The following COL5A2 variants were observed in gnomAD, a reference collection of about 807,000 sequenced individuals.
COL5A2 encodes the protein collagen type V alpha 2 chain, also known as collagen alpha-2(V) chain.
Under a neutral mutation model 208.2 loss-of-function variants are expected in COL5A2, and 23 were observed. The observed-to-expected ratio is 0.11, with a 90% CI of 0.08 to 0.16. The LOEUF (loss-of-function observed/expected upper bound fraction) is 0.16. Ranked by LOEUF, COL5A2 falls within the 10% of genes least tolerant of loss-of-function variation. The pLI, the probability that COL5A2 is intolerant of heterozygous loss-of-function variation, is 1.00. For missense variants in COL5A2, 1,590 were observed against 1,956.4 expected, an observed-to-expected ratio of 0.81 and a Z score of 3.53; for synonymous variants, 625 against 628.5, an observed-to-expected ratio of 0.99 and a Z score of 0.08.
the COL5A2 span, among the ~76,000 whole-genome samples, chr2:189,236,942 C>T: frequency 6.6e-6 from 1 of 151,746 alleles, no homozygotes; most frequent in African/African-American, 2.4e-5. Context: ...ATGTATTACT[C>T]CAGAATCACA....
At chr2:189,109,790 G>A (rs1433341691) in intron 2 of COL5A2, among the ~76,000 whole-genome samples, 1 of 152,150 alleles carries the variant, frequency 6.6e-6, no homozygotes, top group African/African-American at 2.4e-5. Flanking sequence ...GGGTGCTGTG[G>A]CACTGAATTA....
chr2:189,316,497 A>G, the COL5A2 span, among the ~76,000 whole-genome samples: 1 of 152,082 alleles, frequency 6.6e-6, no homozygotes, highest in Non-Finnish European at 1.5e-5. Flanking sequence ...GTCCTGAAGG[A>G]AAAAAATTAA....
chr2:189,123,082 A>C (rs1333709453), intron 1 of COL5A2, among the ~76,000 whole-genome samples: 1 of 152,064 alleles, frequency 6.6e-6, no homozygotes, highest in Non-Finnish European at 1.5e-5. Context: ...CTCCCACCTC[A>C]ACCTCCCGAG....
the COL5A2 span, among the ~76,000 whole-genome samples, chr2:189,395,446 A>T: frequency 3.9e-5 from 6 of 152,172 alleles, no homozygotes; most frequent in African/African-American, 9.7e-5. Flanking sequence ...AAGCTTCAAT[A>T]AGTTCCATAG....
intron 1 of COL5A2, among the ~76,000 whole-genome samples, chr2:189,133,641 G>C (rs1312253658): frequency 1.3e-5 from 2 of 152,108 alleles, no homozygotes; most frequent in African/African-American, 2.4e-5. Context: ...GCGTCAGGCA[G>C]CAGGGAAAGA....
the COL5A2 span, among the ~76,000 whole-genome samples, chr2:189,376,233 C>T: frequency 6.6e-6 from 1 of 152,022 alleles, no homozygotes; most frequent in Non-Finnish European, 1.5e-5. Flanking sequence ...TAAGTTCTGC[C>T]TCTCTTTATC....
chr2:189,052,265 A>G (rs376551470), intron 40 of COL5A2, 40 bp from the exon 41 acceptor site: 12 of 1,581,968 alleles, frequency 7.6e-6, no homozygotes, highest in Non-Finnish European at 1.0e-5. Flanking sequence ...TTAAGGTAAT[A>G]TAAATTAGTT....
chr2:189,427,899 T>C, the COL5A2 span, among the ~76,000 whole-genome samples: 2 of 152,188 alleles, frequency 1.3e-5, no homozygotes, highest in Non-Finnish European at 2.9e-5. Context: ...CTGTAGCCCC[T>C]TGGTTTTGGC....
intron 1 of COL5A2, among the ~76,000 whole-genome samples, chr2:189,151,957 A>T (rs975672915): frequency 6.6e-6 from 1 of 152,234 alleles, no homozygotes; most frequent in Non-Finnish European, 1.5e-5. Context: ...GATAACTATT[A>T]TGCTATTTTG....
intron 1 of COL5A2, among the ~76,000 whole-genome samples, chr2:189,156,336 A>C (rs1254975302): frequency 1.3e-5 from 2 of 152,170 alleles, no homozygotes; most frequent in Non-Finnish European, 2.9e-5. Context: ...TATTAAGTAA[A>C]TAAATTTCAA....
At chr2:189,086,033 G>C (rs913781567) in intron 9 of COL5A2, among the ~76,000 whole-genome samples, 1 of 152,094 alleles carries the variant, frequency 6.6e-6, no homozygotes, top group African/African-American at 2.4e-5. Flanking sequence ...TGCTGGCACA[G>C]TGTGTGAGTG....
the COL5A2 span, among the ~76,000 whole-genome samples, chr2:189,249,007 G>T: frequency 1.3e-5 from 2 of 152,044 alleles, no homozygotes; most frequent in African/African-American, 4.8e-5. Context: ...ACCCAAAATT[G>T]TACAATTTTT....
chr2:189,082,722 G>A (rs1007613346), intron 12 of COL5A2, among the ~76,000 whole-genome samples: 2 of 152,192 alleles, frequency 1.3e-5, no homozygotes, highest in African/African-American at 4.8e-5. Context: ...ATTGCACTGA[G>A]CTTGCACAGT....
At chr2:189,305,826 A>C in the COL5A2 span, among the ~76,000 whole-genome samples, 7 of 152,090 alleles carry the variant, frequency 4.6e-5, no homozygotes, top group African/African-American at 1.4e-4. Flanking sequence ...AAAAAAAAAA[A>C]AAAAAACTAG....
chr2:189,322,400 G>GA, the COL5A2 span, among the ~76,000 whole-genome samples: 2 of 151,872 alleles, frequency 1.3e-5, no homozygotes, highest in African/African-American at 2.4e-5. Flanking sequence ...CTGACTTTTT[G>GA]AAAAAATCAA....
chr2:189,424,114 T>A, the COL5A2 span, among the ~76,000 whole-genome samples: 1 of 152,150 alleles, frequency 6.6e-6, no homozygotes, highest in Non-Finnish European at 1.5e-5. Context: ...CATTTCAATA[T>A]ATTCAGAAAA....
chr2:189,228,486 C>T (rs556066135), upstream of COL5A2, among the ~76,000 whole-genome samples: 49 of 151,850 alleles, frequency 3.2e-4, no homozygotes, highest in African/African-American at 1.1e-3. Flanking sequence ...ATTGATGCCA[C>T]AGACAAAAAG....
At chr2:189,114,463 G>T (rs894220702) in intron 1 of COL5A2, among the ~76,000 whole-genome samples, 1 of 152,048 alleles carries the variant, frequency 6.6e-6, no homozygotes, top group African/African-American at 2.4e-5. Context: ...AAATATTGCA[G>T]TAAAGTTGTC....
chr2:189,261,815 T>C, the COL5A2 span, among the ~76,000 whole-genome samples: 1 of 152,116 alleles, frequency 6.6e-6, no homozygotes, highest in Non-Finnish European at 1.5e-5. Flanking sequence ...AGCCAAATAT[T>C]AGGAAGCACA....
Sources: gnomAD v4.1 joint callset for allele counts (sites outside exome capture counted in the v4.1 genomes callset) on GRCh38, gnomAD v4.1.1 for gene constraint, MANE v1.5 for transcripts, NCBI Gene and HGNC (gene_info 2026-07-23, HGNC 2026-07-21) for gene names.